The following SMG9 variants were observed in gnomAD, a reference collection of about 807,000 sequenced individuals.
SMG9 encodes the protein SMG9 nonsense mediated mRNA decay factor, also known as nonsense-mediated mRNA decay factor SMG9.
Under a neutral mutation model 64.0 loss-of-function variants are expected in SMG9, and 55 were observed. The observed-to-expected ratio is 0.86, with a 90% CI of 0.69 to 1.08. The LOEUF (loss-of-function observed/expected upper bound fraction) is 1.08. Ranked by LOEUF, SMG9 falls within the 50% of genes least tolerant of loss-of-function variation. The pLI is 0.00. For synonymous variants in SMG9, 244 were observed against 254.8 expected (o/e 0.96, Z 0.41); for missense variants, 554 against 681.3 (o/e 0.81, Z 2.08).
In SMG9 at chr19:43,742,710, C is replaced by T. The variant is rs527316317; in HGVS notation, c.701+2062G>A. On this transcript the variant is annotated intron_variant, in intron 6 of 13. Coordinates refer to ENST00000270066, the MANE Select transcript of SMG9 (RefSeq NM_019108.4). ...TAAATCAGGCAGACCAGACAGAAAC[C>T]TCTTGGTATCCTGCATGTAAGATAA... Among the ~76,000 whole-genome samples the T allele has an allele frequency of 3.9e-5, 6 of 152,212 alleles. No homozygotes were observed. In the South Asian group the frequency reaches 1.2e-3, roughly 32 times the overall value.
intron 6 of SMG9, among the ~76,000 whole-genome samples, chr19:43,743,633 C>CA (rs1477327706): frequency 1.3e-5 from 2 of 152,034 alleles, no homozygotes; most frequent in African/African-American, 4.8e-5. Flanking sequence ...CCATCTCTAC[C>CA]AAAAAAGTTA....
intron 13 of SMG9, 90 bp downstream of exon 13, chr19:43,732,768 C>T: frequency 1.3e-6 from 2 of 1,520,460 alleles, no homozygotes; most frequent in Non-Finnish European, 1.8e-6. Context: ...GGAGGGGCTT[C>T]ACAAGGTCAT....
intron 9 of SMG9, among the ~76,000 whole-genome samples, chr19:43,736,144 C>T (rs1306863081): frequency 6.6e-6 from 1 of 152,212 alleles, no homozygotes; most frequent in South Asian, 2.1e-4. Flanking sequence ...CCCAGGGTTA[C>T]TAATACAAAC....
In SMG9 at chr19:43,731,498, C is replaced by T. The variant is rs1283181595; in HGVS notation, c.*98G>A. The T allele has an allele frequency of 6.4e-6, 10 of 1,568,388 alleles. No individual in the cohort carries two copies. Among genetic ancestry groups the T allele is most frequent in the Non-Finnish European group, 8.7e-6 (10 of 1,154,558 alleles). ...CACGATCCCTCATCCATCAGGCCTG[C>T]TGCCGCTCTCCACCCCAGCGGGGGA... On this transcript the variant is annotated 3_prime_UTR_variant, in exon 14 of 14. Transcript: ENST00000270066.
Position 43,733,633 on chromosome 19 carries a change from ACGCAGG to A in SMG9, c.1197_1202del (p.Leu400_Arg401del). 1.2e-6 allele frequency: 2 copies of A among 1,613,976 alleles called. No individual in the cohort carries two copies. Among genetic ancestry groups the A allele is most frequent in the Non-Finnish European group, 1.7e-6 (2 of 1,179,950 alleles). ...TGATGTGGGAACCCTTACCCTTGTA[ACGCAGG>A]TGGGAGTGGGCCATGAGCTGGTCAA... On this transcript the variant is annotated inframe_deletion, in exon 11 of 14. Transcript: ENST00000270066.
chr19:43,738,072 G>A (rs1337992936), intron 8 of SMG9, 50 bp downstream of exon 8: 8 of 1,532,534 alleles, frequency 5.2e-6, no homozygotes, highest in Non-Finnish European at 7.2e-6. Flanking sequence ...TTGGGAGGAT[G>A]GGGGTGGGGA....
intron 6 of SMG9, among the ~76,000 whole-genome samples, chr19:43,742,295 G>C (rs972490649): frequency 7.2e-5 from 11 of 152,116 alleles, no homozygotes; most frequent in Admixed American, 2.6e-4. Flanking sequence ...AAATTAGTTG[G>C]GCATGGTGGT....
intron 9 of SMG9, among the ~76,000 whole-genome samples, chr19:43,737,283 T>C (rs1204305693): frequency 6.6e-6 from 1 of 151,100 alleles, no homozygotes; most frequent in Non-Finnish European, 1.5e-5. Context: ...AATAAATAAA[T>C]AAATAAATAA....
At chr19:43,738,569 A>G (rs1417661849) in intron 7 of SMG9, among the ~76,000 whole-genome samples, 2 of 152,196 alleles carry the variant, frequency 1.3e-5, no homozygotes, top group Non-Finnish European at 2.9e-5. Context: ...TAGGTAAAAA[A>G]AAAAAATAAT....
At chr19:43,745,191 ATC>A (rs1307540440) in intron 5 of SMG9, among the ~76,000 whole-genome samples, 1 of 152,210 alleles carries the variant, frequency 6.6e-6, no homozygotes, top group Non-Finnish European at 1.5e-5. Flanking sequence ...GGGAAGTCTG[ATC>A]TTGGAGAAGT....
In SMG9 at chr19:43,729,851, T is replaced by C. The variant is rs1446810648; in HGVS notation, c.*1745A>G. 6.6e-6 allele frequency: 1 copy of C among 152,254 alleles called. No individual in the cohort carries two copies. The highest frequency in any genetic ancestry group is 1.5e-5 in the Non-Finnish European group (1 of 68,090). 9.4% of individuals were successfully genotyped at this position (152,254 alleles called of 1,614,324 possible). On this transcript the variant is annotated 3_prime_UTR_variant, in exon 14 of 14. Coordinates refer to ENST00000270066, the MANE Select transcript of SMG9 (RefSeq NM_019108.4). ...TCACAGCTCTGAAGGGCCTCGAGGA[T>C]GATCTTAAATGTTGGAATAATGGCC... is the stretch of plus-strand genomic sequence containing the variant.
chr19:43,736,163 T>C (rs1471634861), intron 9 of SMG9, among the ~76,000 whole-genome samples: 1 of 152,222 alleles, frequency 6.6e-6, no homozygotes, highest in East Asian at 1.9e-4. Context: ...ACATTAAGTT[T>C]TCTCCATCAA....
chr19:43,744,894 A>G lies in SMG9; in HGVS notation c.589-10T>C. The G allele has an allele frequency of 6.2e-7, 1 of 1,603,136 alleles. No homozygotes were observed. The highest frequency in any genetic ancestry group is 8.5e-7 in the Non-Finnish European group (1 of 1,170,894). ...TCTGATCCAACAGGTACTGTGGGAA[A>G]ATACATAAATGACTCTGACAAGTCT... On this transcript the variant is annotated splice_polypyrimidine_tract_variant and intron_variant, in intron 5 of 13. Transcript: ENST00000270066.
intron 2 of SMG9, among the ~76,000 whole-genome samples, chr19:43,749,149 C>G (rs1489759231): frequency 6.6e-6 from 1 of 152,206 alleles, no homozygotes; most frequent in Non-Finnish European, 1.5e-5. Flanking sequence ...GATATTCAGT[C>G]TATACCTGGG....
In SMG9 at chr19:43,738,205, G is replaced by A; in HGVS notation, c.826C>T (p.Pro276Ser). The A allele has an allele frequency of 1.2e-6, 2 of 1,614,066 alleles. No individual in the cohort carries two copies. The highest frequency in any genetic ancestry group is 1.7e-6 in the Non-Finnish European group (2 of 1,179,980). ...VFLDTQPILS[P>S]SILDHLINND... ...TTGATGAGATGGTCTAGGATAGAAGGGCTCAGGATGGGCTGCAGCAAGGAA... is the reference window on the plus strand; with the variant it reads ...TTGATGAGATGGTCTAGGATAGAAGAGCTCAGGATGGGCTGCAGCAAGGAA... Residue 276 changes from proline to serine, a missense_variant, in exon 8 of 14, where the codon CCT becomes TCT. Coordinates refer to ENST00000270066, the MANE Select transcript of SMG9 (RefSeq NM_019108.4).
At chr19:43,748,414 A>T (rs1969095483) in intron 2 of SMG9, among the ~76,000 whole-genome samples, 1 of 152,178 alleles carries the variant, frequency 6.6e-6, no homozygotes, top group South Asian at 2.1e-4. Flanking sequence ...TGAATAAGGA[A>T]CCACCCTCGC....
intron 1 of SMG9, 150 bp downstream of exon 1, chr19:43,754,504 C>A (rs1215764350): frequency 6.6e-6 from 1 of 152,200 alleles, no homozygotes; most frequent in African/African-American, 2.4e-5. Flanking sequence ...AACCCAGTAT[C>A]GAATTGACGG....
chr19:43,748,200 C>T, intron 2 of SMG9, 148 bp from the exon 3 acceptor site: 1 of 1,006,190 alleles, frequency 9.9e-7, no homozygotes, highest in Non-Finnish European at 1.4e-6. Flanking sequence ...ATTACCCCCA[C>T]TTTACAGATG....
Position 43,731,397 on chromosome 19 carries a change from C to A in SMG9, c.*199G>T. 1 of 1,391,664 alleles carries A rather than the reference C, an allele frequency of 7.2e-7. No homozygotes were observed. The highest frequency in any genetic ancestry group is 1.6e-5 in the South Asian group (1 of 61,708). The allele number at this position is 1,391,664 out of a possible 1,614,324, so 86.2% of individuals were successfully genotyped here. On this transcript the variant is annotated 3_prime_UTR_variant, in exon 14 of 14. Coordinates refer to ENST00000270066, the MANE Select transcript of SMG9 (RefSeq NM_019108.4). ...CTCAGGTTTGGGGTGGGATCGCTCA[C>A]AGTCACCCCCGGAACAGCCCCAACT...
Sources: allele counts gnomAD v4.1 joint callset (sites outside exome capture counted in the v4.1 genomes callset), GRCh38; gene constraint gnomAD v4.1.1; transcripts MANE v1.5; gene names NCBI Gene and HGNC (gene_info 2026-07-23, HGNC 2026-07-21).